The following ZCCHC7 variants were observed in gnomAD, a reference collection of about 807,000 sequenced individuals.
ZCCHC7 encodes the protein zinc finger CCHC-type containing 7.
ZCCHC7 carries 35 observed loss-of-function variants against 52.0 expected under a neutral mutation model. The observed-to-expected ratio is 0.67, with a 90% CI of 0.51 to 0.89. The LOEUF is 0.89. Ranked by LOEUF, ZCCHC7 falls within the 40% of genes least tolerant of loss-of-function variation. The probability of loss-of-function intolerance (pLI) is 0.00; values close to 1 mark genes in which losing one functional copy is unlikely to be tolerated. For missense variants in ZCCHC7, 574 were observed against 649.1 expected (o/e 0.88, Z 1.26); for synonymous variants, 217 against 221.5 (o/e 0.98, Z 0.18).
At chr9:37,263,578 G>T (rs74528620) in intron 2 of ZCCHC7, among the ~76,000 whole-genome samples, 1 of 152,014 alleles carries the variant, frequency 6.6e-6, no homozygotes, top group African/African-American at 2.4e-5. Flanking sequence ...AAATCCTACA[G>T]TTAAGAACAA....
intron 2 of ZCCHC7, among the ~76,000 whole-genome samples, chr9:37,131,326 C>T (rs1257994093): frequency 2.2e-5 from 3 of 138,030 alleles, no homozygotes; most frequent in African/African-American, 5.5e-5. Flanking sequence ...GGTGATAGAG[C>T]GAGACTCTGT....
At chr9:37,289,505 A>T (rs1208687943) in intron 2 of ZCCHC7, among the ~76,000 whole-genome samples, 1 of 152,148 alleles carries the variant, frequency 6.6e-6, no homozygotes, top group Non-Finnish European at 1.5e-5. Flanking sequence ...CCTCCAGATT[A>T]TATTCAGAAT....
At chr9:37,225,703 G>T (rs894912727) in intron 2 of ZCCHC7, among the ~76,000 whole-genome samples, 9 of 152,148 alleles carry the variant, frequency 5.9e-5, no homozygotes, top group African/African-American at 2.2e-4. Context: ...CTCAATAGAT[G>T]CAGATAAAGC....
chr9:37,295,464 A>T (rs1281850017), intron 2 of ZCCHC7, among the ~76,000 whole-genome samples: 1 of 152,234 alleles, frequency 6.6e-6, no homozygotes, highest in African/African-American at 2.4e-5. Flanking sequence ...AAATTACTTA[A>T]GTAGCAGTGG....
chr9:37,282,868 G>C (rs1464134813), intron 2 of ZCCHC7, among the ~76,000 whole-genome samples: 1 of 137,282 alleles, frequency 7.3e-6, no homozygotes, highest in African/African-American at 2.7e-5. Context: ...AAGAAGACCT[G>C]AATCTTTTTT....
intron 2 of ZCCHC7, among the ~76,000 whole-genome samples, chr9:37,189,007 T>C (rs1822876310): frequency 1.1e-5 from 1 of 89,538 alleles, no homozygotes; most frequent in South Asian, 5.5e-4. Context: ...TTTTTTCCCA[T>C]CTCTCAGATT....
rs869266535 is a variant in ZCCHC7 at position 37,352,511 on chromosome 9, C to CTTTTTTTTTTTTTTTTTTTTTTTTT, written c.1084-2175_1084-2174insTTTTTTTTTTTTTTTTTTTTTTTTT. Among the ~76,000 whole-genome samples, 7 of 81,574 alleles carry CTTTTTTTTTTTTTTTTTTTTTTTTT rather than the reference C, an allele frequency of 8.6e-5. 1 individual carries two copies. Among genetic ancestry groups the CTTTTTTTTTTTTTTTTTTTTTTTTT allele is most frequent in the South Asian group, 5.1e-4 (1 of 1,950 alleles). The allele number at this position is 81,574 out of a possible 152,430, so 53.5% of individuals were successfully genotyped here. A position where few individuals can be genotyped will look rare whatever the true frequency, so the allele number is the denominator to read the frequency against. ...TACCTTTGCATAATCACAATTTGCTCTTTTTTTTTTTTTTTTTTTTTTTTG... is the reference window on the plus strand; with the variant it reads ...TACCTTTGCATAATCACAATTTGCTCTTTTTTTTTTTTTTTTTTTTTTTTTTTTTTTTTTTTTTTTTTTTTTTTTG... On this transcript the variant is annotated intron_variant, in intron 7 of 8. Coordinates refer to ENST00000336755, the MANE Select transcript of ZCCHC7 (RefSeq NM_032226.3).
intron 2 of ZCCHC7, among the ~76,000 whole-genome samples, chr9:37,192,086 C>A (rs1823049179): frequency 6.6e-6 from 1 of 152,188 alleles, no homozygotes; most frequent in Non-Finnish European, 1.5e-5. Flanking sequence ...AAAAGAGCTA[C>A]CATTTCAGAA....
intron 2 of ZCCHC7, among the ~76,000 whole-genome samples, chr9:37,167,658 C>CTAA (rs773035742): frequency 4.6e-5 from 7 of 152,118 alleles, no homozygotes; most frequent in Non-Finnish European, 1.0e-4. Flanking sequence ...TATATTCCTA[C>CTAA]TAATATTCTT....
rs570836558 is a variant in ZCCHC7, at chr9:37,304,530, G to T, written c.780+217G>T. Among the ~76,000 whole-genome samples, 7 of 152,110 alleles carry T rather than the reference G, an allele frequency of 4.6e-5. No homozygotes were observed. In the South Asian group the frequency reaches 1.2e-3, roughly 27 times the overall value. ...AAATTAGCCGGGCGTGATGGCGGGC[G>T]CCTGTAGTCCCAGCTACTTGGGAGG... On this transcript the variant is annotated intron_variant, in intron 4 of 8. Coordinates refer to ENST00000336755, the MANE Select transcript of ZCCHC7 (RefSeq NM_032226.3).
intron 5 of ZCCHC7, among the ~76,000 whole-genome samples, chr9:37,307,724 C>T (rs1469905472): frequency 6.7e-6 from 1 of 150,160 alleles, no homozygotes; most frequent in Non-Finnish European, 1.5e-5. Context: ...AAATGAATTT[C>T]AGATTAAAAC....
At chr9:37,312,356 A>G (rs1337991481) in intron 5 of ZCCHC7, among the ~76,000 whole-genome samples, 1 of 148,946 alleles carries the variant, frequency 6.7e-6, no homozygotes, top group African/African-American at 2.6e-5. Flanking sequence ...TACTAGGGGA[A>G]AAAAAGATGA....
chr9:37,329,785 G>A (rs1830384277), intron 6 of ZCCHC7, among the ~76,000 whole-genome samples: 2 of 151,792 alleles, frequency 1.3e-5, no homozygotes, highest in African/African-American at 4.8e-5. Flanking sequence ...GCCATCTATT[G>A]ACTCCTAGTA....
intron 6 of ZCCHC7, among the ~76,000 whole-genome samples, chr9:37,349,079 C>A (rs990321578): frequency 6.6e-6 from 1 of 152,146 alleles, no homozygotes; most frequent in Admixed American, 6.5e-5. Context: ...TTCTGCTGGC[C>A]CATTATACTG....
At chr9:37,329,283 ATAGT>A (rs1447939647) in intron 6 of ZCCHC7, among the ~76,000 whole-genome samples, 1 of 151,684 alleles carries the variant, frequency 6.6e-6, no homozygotes, top group African/African-American at 2.4e-5. Context: ...TTATATACCT[ATAGT>A]TAAAGGGTAA....
At chr9:37,257,107 A>G (rs892209515) in intron 2 of ZCCHC7, among the ~76,000 whole-genome samples, 3 of 152,228 alleles carry the variant, frequency 2.0e-5, no homozygotes, top group African/African-American at 4.8e-5. Context: ...TTTAGAGAAT[A>G]CAAGACTGAG....
At chr9:37,321,915 T>G (rs558403612) in intron 5 of ZCCHC7, among the ~76,000 whole-genome samples, 2 of 152,334 alleles carry the variant, frequency 1.3e-5, no homozygotes, top group Admixed American at 1.3e-4. Flanking sequence ...AGTTTACAAT[T>G]TTCTCAGGAT....
At chr9:37,168,058 G>A (rs578039509) in intron 2 of ZCCHC7, among the ~76,000 whole-genome samples, 2 of 152,070 alleles carry the variant, frequency 1.3e-5, no homozygotes, top group South Asian at 4.1e-4. Context: ...AAATTTATTT[G>A]TCTTTAGTCT....
intron 2 of ZCCHC7, among the ~76,000 whole-genome samples, chr9:37,275,149 A>ATAT (rs1827620552): frequency 6.6e-6 from 1 of 152,214 alleles, no homozygotes; most frequent in African/African-American, 2.4e-5. Context: ...AAAATACAAG[A>ATAT]TATTACCAGC....
Sources: gnomAD v4.1 joint callset for allele counts (sites outside exome capture counted in the v4.1 genomes callset) on GRCh38, gnomAD v4.1.1 for gene constraint, MANE v1.5 for transcripts, NCBI Gene and HGNC (gene_info 2026-07-23, HGNC 2026-07-21) for gene names.